The following GAB1 variants were observed in gnomAD, a reference collection of about 807,000 sequenced individuals.
The protein encoded by GAB1 is GRB2-associated-binding protein 1.
In GAB1, 19 loss-of-function variants were observed where a neutral mutation model predicts 66.5. The ratio of observed to expected loss-of-function variants is 0.29; its 90% CI spans 0.20 to 0.42. GAB1 has a LOEUF of 0.42. Ranked by LOEUF, GAB1 falls within the 10% of genes least tolerant of loss-of-function variation. The pLI, the probability that GAB1 is intolerant of heterozygous loss-of-function variation, is 1.00. For missense variants in GAB1, 732 were observed against 858.5 expected (o/e 0.85, Z 1.84); for synonymous variants, 294 against 301.4 (o/e 0.98, Z 0.25).
chr4:143,434,028 C>T (rs1274381366), intron 3 of GAB1: 1 of 950,130 alleles, frequency 1.1e-6, no homozygotes, highest in Non-Finnish European at 1.5e-6. Flanking sequence ...ACTTGCTTAA[C>T]AGATTTCACT....
chr4:143,468,162 C>T (rs564646127), intron 9 of GAB1, among the ~76,000 whole-genome samples: 112 of 149,120 alleles, frequency 7.5e-4, no homozygotes, highest in Non-Finnish European at 2.2e-4. Context: ...TCTGCTGTCC[C>T]TATTTTTTAT....
At chr4:143,431,120 G>GTA (rs1733629559) in intron 2 of GAB1, among the ~76,000 whole-genome samples, 1 of 152,070 alleles carries the variant, frequency 6.6e-6, no homozygotes, top group Non-Finnish European at 1.5e-5. Flanking sequence ...TAGCTACACA[G>GTA]ACAGGCAGAA....
intron 8 of GAB1, among the ~76,000 whole-genome samples, chr4:143,463,942 C>G (rs1023391081): frequency 6.6e-6 from 1 of 152,168 alleles, no homozygotes; most frequent in Admixed American, 6.5e-5. Context: ...GCAGGTCTTA[C>G]AAATTTATGC....
Position 143,415,479 on chromosome 4 carries a change from A to T in GAB1, c.75A>T (p.Ala25=). The T allele has an allele frequency of 6.3e-7, 1 of 1,595,650 alleles. No homozygotes were observed. Among genetic ancestry groups the T allele is most frequent in the Non-Finnish European group, 8.6e-7 (1 of 1,168,876 alleles). ...SPPEKKLKRY[A]WKRRWFVLRS... ...GGATATTTTTGTTTTGTTTCTAGGC[A>T]TGGAAGAGGAGATGGTTCGTGTTAC... Residue 25 remains alanine (A), a splice_region_variant and synonymous_variant, in exon 2 of 10, where the codon GCA becomes GCT. Coordinates refer to ENST00000262994, the MANE Select transcript of GAB1 (RefSeq NM_002039.4).
At chr4:143,430,751 T>C (rs1733610538) in intron 2 of GAB1, among the ~76,000 whole-genome samples, 1 of 152,352 alleles carries the variant, frequency 6.6e-6, no homozygotes, top group Middle Eastern at 3.4e-3. Flanking sequence ...TGTGCTTTTA[T>C]TTCAGTGCTC....
At chr4:143,367,808 T>TCTGC (rs1729953266) in intron 1 of GAB1, among the ~76,000 whole-genome samples, 1 of 139,248 alleles carries the variant, frequency 7.2e-6, no homozygotes, top group Admixed American at 8.0e-5. Flanking sequence ...CACTGTAACC[T>TCTGC]CTGCCTCCCG....
chr4:143,463,149 T>C (rs1478759541), intron 8 of GAB1, among the ~76,000 whole-genome samples: 2 of 152,182 alleles, frequency 1.3e-5, no homozygotes, highest in East Asian at 3.8e-4. Flanking sequence ...ATGAGAATTA[T>C]AGCAATATTT....
intron 1 of GAB1, among the ~76,000 whole-genome samples, chr4:143,357,079 T>C (rs1307627830): frequency 6.6e-6 from 1 of 152,182 alleles, no homozygotes; most frequent in Non-Finnish European, 1.5e-5. Flanking sequence ...CCTGTTTTTT[T>C]GTCTTTGCAG....
At chr4:143,421,587 A>G (rs1014008564) in intron 2 of GAB1, among the ~76,000 whole-genome samples, 13 of 151,196 alleles carry the variant, frequency 8.6e-5, no homozygotes, top group African/African-American at 2.9e-4. Context: ...TAGCTATTCT[A>G]TTGGGTGTTA....
At chr4:143,365,323 TC>T (rs1429106885) in intron 1 of GAB1, among the ~76,000 whole-genome samples, 1 of 152,192 alleles carries the variant, frequency 6.6e-6, no homozygotes, top group Non-Finnish European at 1.5e-5. Context: ...CCATTCACCC[TC>T]ATCCCCATTC....
intron 1 of GAB1, among the ~76,000 whole-genome samples, chr4:143,366,835 G>GA (rs1336354692): frequency 1.3e-5 from 2 of 151,750 alleles, no homozygotes; most frequent in African/African-American, 2.4e-5. Flanking sequence ...TTTTTGAATT[G>GA]AAAATCACAT....
At chr4:143,366,125 T>A (rs1307773687) in intron 1 of GAB1, among the ~76,000 whole-genome samples, 1 of 152,216 alleles carries the variant, frequency 6.6e-6, no homozygotes, top group Non-Finnish European at 1.5e-5. Context: ...CAGATTTCTG[T>A]TTAAATCGAA....
intron 1 of GAB1, among the ~76,000 whole-genome samples, chr4:143,367,719 GTTTTTTT>G (rs71588248): frequency 3.2e-5 from 3 of 94,656 alleles, no homozygotes; most frequent in African/African-American, 1.3e-4. Flanking sequence ...TCAGATGAGG[GTTTTTTT>G]TTTTTTTTTT....
At chr4:143,378,636 T>TCTCC (rs1730520000) in intron 1 of GAB1, among the ~76,000 whole-genome samples, 1 of 112,160 alleles carries the variant, frequency 8.9e-6, no homozygotes, top group Non-Finnish European at 1.8e-5. Flanking sequence ...AGTGTCTCTC[T>TCTCC]CTCTCTCTCT....
intron 1 of GAB1, among the ~76,000 whole-genome samples, chr4:143,367,719 GTTTTTT>G (rs71588248): frequency 2.1e-5 from 2 of 94,656 alleles, no homozygotes; most frequent in South Asian, 4.4e-4. Flanking sequence ...TCAGATGAGG[GTTTTTT>G]TTTTTTTTTT....
chr4:143,397,512 T>C (rs1055190996), intron 1 of GAB1, among the ~76,000 whole-genome samples: 9 of 152,202 alleles, frequency 5.9e-5, no homozygotes, highest in Non-Finnish European at 1.0e-4. Flanking sequence ...TAATGAATAA[T>C]TTGAACAGAC....
rs150433434 is a variant in GAB1, at chr4:143,458,842, T to C, written c.1586-543T>C. ...TACAAATATTGTTTCGTTTTGTTTG[T>C]TTCCAGACTGTGCATGAATTATTTT... On this transcript the variant is annotated intron_variant, in intron 6 of 9. Transcript: ENST00000262994. Among the ~76,000 whole-genome samples, 104 of 152,204 alleles carry C rather than the reference T, an allele frequency of 6.8e-4. 1 individual carries two copies. Among genetic ancestry groups the C allele is most frequent in the African/African-American group, 2.4e-3 (100 of 41,576 alleles).
intron 1 of GAB1, among the ~76,000 whole-genome samples, chr4:143,339,190 C>T (rs950175317): frequency 6.6e-6 from 1 of 152,246 alleles, no homozygotes; most frequent in Admixed American, 6.5e-5. Flanking sequence ...GTTAACGACT[C>T]TCACCTAGTT....
intron 8 of GAB1, among the ~76,000 whole-genome samples, chr4:143,460,776 A>G (rs966118772): frequency 3.9e-5 from 6 of 152,168 alleles, no homozygotes; most frequent in African/African-American, 1.4e-4. Context: ...TGAGTCCTTG[A>G]GTCCAGCAGT....
Sources: allele counts gnomAD v4.1 joint callset (sites outside exome capture counted in the v4.1 genomes callset), GRCh38; gene constraint gnomAD v4.1.1; transcripts MANE v1.5; gene names NCBI Gene and HGNC (gene_info 2026-07-23, HGNC 2026-07-21).